FHIT: variants seen among roughly 807,000 people sequenced by gnomAD.
FHIT encodes fragile histidine triad diadenosine triphosphatase.
A neutral mutation model predicts 17.9 loss-of-function variants in FHIT; 19 were observed. The ratio of observed to expected loss-of-function variants is 1.06; its 90% confidence interval spans 0.74 to 1.56. The LOEUF is 1.56. Among genes scored for constraint, FHIT ranks in the 40% most tolerant of loss-of-function variants. FHIT has a pLI of 0.00. For synonymous variants in FHIT, 81 were observed against 69.7 expected (o/e 1.16, Z -0.81); for missense variants, 248 against 189.2 (o/e 1.31, Z -1.82).
intron 4 of FHIT, among the ~76,000 whole-genome samples, chr3:60,568,614 T>TA (rs144401946): frequency 0.06 from 9,044 of 151,104 alleles, 380 homozygotes; most frequent in South Asian, 0.17. Context: ...TAATAAAAAT[T>TA]AAAAAAAAAG....
intron 5 of FHIT, among the ~76,000 whole-genome samples, chr3:60,235,425 T>G (rs1576348706): frequency 6.6e-6 from 1 of 152,094 alleles, no homozygotes; most frequent in South Asian, 2.1e-4. Context: ...AGAGGCAGGG[T>G]TTCACCGTGA....
At chr3:60,254,807 A>G (rs1036525603) in intron 5 of FHIT, among the ~76,000 whole-genome samples, 1 of 152,184 alleles carries the variant, frequency 6.6e-6, no homozygotes, top group South Asian at 2.1e-4. Flanking sequence ...AGGAATCTAA[A>G]TTACAATTGT....
intron 4 of FHIT, among the ~76,000 whole-genome samples, chr3:60,684,555 A>C (rs144195975): frequency 6.6e-6 from 1 of 151,978 alleles, no homozygotes; most frequent in Admixed American, 6.6e-5. Flanking sequence ...CACACCTCAG[A>C]TTCCCTTAGT....
At chr3:60,699,823 A>C (rs1456279539) in intron 4 of FHIT, among the ~76,000 whole-genome samples, 3 of 142,778 alleles carry the variant, frequency 2.1e-5, no homozygotes, top group Non-Finnish European at 4.5e-5. Flanking sequence ...TTTTAAAAAC[A>C]ATACTCAGCA....
intron 4 of FHIT, among the ~76,000 whole-genome samples, chr3:60,691,381 T>C (rs2040987436): frequency 6.6e-6 from 1 of 151,992 alleles, no homozygotes; most frequent in African/African-American, 2.4e-5. Context: ...TTCTTCTTTT[T>C]TTTTTTCTTG....
chr3:61,181,326 C>G (rs1477770520), intron 2 of FHIT, among the ~76,000 whole-genome samples: 2 of 152,086 alleles, frequency 1.3e-5, no homozygotes, highest in Non-Finnish European at 2.9e-5. Context: ...GTGAAAACAT[C>G]AATATTTGTA....
intron 3 of FHIT, among the ~76,000 whole-genome samples, chr3:60,924,242 G>C (rs1707453697): frequency 6.6e-6 from 1 of 152,190 alleles, no homozygotes; most frequent in African/African-American, 2.4e-5. Context: ...TGAGATCTAA[G>C]AACGGACAAA....
At chr3:61,176,310 G>C (rs2038155075) in intron 2 of FHIT, among the ~76,000 whole-genome samples, 1 of 152,208 alleles carries the variant, frequency 6.6e-6, no homozygotes, top group African/African-American at 2.4e-5. Flanking sequence ...TTATTCTGAA[G>C]AGAGCATAAA....
intron 8 of FHIT, among the ~76,000 whole-genome samples, chr3:59,888,895 C>T (rs1304775551): frequency 6.6e-6 from 1 of 152,174 alleles, no homozygotes; most frequent in Non-Finnish European, 1.5e-5. Flanking sequence ...CCAGTGAGGG[C>T]CTTCTTGCTA....
At chr3:60,055,119 T>TAC (rs1702030249) in intron 5 of FHIT, among the ~76,000 whole-genome samples, 1 of 152,198 alleles carries the variant, frequency 6.6e-6, no homozygotes, top group African/African-American at 2.4e-5. Context: ...ATCTTTTTGC[T>TAC]ACACCTCATA....
At chr3:60,788,028 G>A (rs1700643518) in intron 4 of FHIT, among the ~76,000 whole-genome samples, 1 of 152,202 alleles carries the variant, frequency 6.6e-6, no homozygotes, top group African/African-American at 2.4e-5. Context: ...AAACAGCTCA[G>A]GCTGTGTCCC....
At chr3:59,984,772 G>C (rs1329342113) in intron 7 of FHIT, among the ~76,000 whole-genome samples, 1 of 152,018 alleles carries the variant, frequency 6.6e-6, no homozygotes, top group African/African-American at 2.4e-5. Flanking sequence ...CATACACTGA[G>C]GGACAAAACA....
intron 8 of FHIT, among the ~76,000 whole-genome samples, chr3:59,779,927 A>G (rs4679609): frequency 0.062 from 9,510 of 152,318 alleles, 429 homozygotes; most frequent in East Asian, 0.17. Context: ...CACAGGTAAC[A>G]TCCATCTCTT....
At chr3:60,998,897 T>C (rs981340725) in intron 3 of FHIT, among the ~76,000 whole-genome samples, 1 of 149,640 alleles carries the variant, frequency 6.7e-6, no homozygotes, top group African/African-American at 2.5e-5. Context: ...GAAGTCTAAA[T>C]GAACAAGCAG....
chr3:60,202,778 T>A (rs1289316228), intron 5 of FHIT, among the ~76,000 whole-genome samples: 1 of 152,160 alleles, frequency 6.6e-6, no homozygotes, highest in Non-Finnish European at 1.5e-5. Flanking sequence ...AAGGGGGTTT[T>A]ATGTATGCTC....
At chr3:60,202,300 C>T (rs766595531) in intron 5 of FHIT, among the ~76,000 whole-genome samples, 4 of 152,224 alleles carry the variant, frequency 2.6e-5, no homozygotes, top group Admixed American at 6.5e-5. Context: ...AGTCTGAAGT[C>T]AATGGATGCT....
intron 4 of FHIT, among the ~76,000 whole-genome samples, chr3:60,659,598 T>G (rs2040193811): frequency 6.6e-6 from 1 of 152,316 alleles, no homozygotes; most frequent in South Asian, 2.1e-4. Context: ...ACTTTTCAAC[T>G]GAAAAATTTC....
intron 3 of FHIT, among the ~76,000 whole-genome samples, chr3:61,031,042 G>A (rs2032986077): frequency 6.6e-6 from 1 of 152,156 alleles, no homozygotes. Flanking sequence ...AGGGGTCCTT[G>A]CAGTGTTTTG....
intron 5 of FHIT, among the ~76,000 whole-genome samples, chr3:60,110,079 A>T (rs1045519988): frequency 2.0e-5 from 3 of 152,276 alleles, no homozygotes; most frequent in Admixed American, 2.0e-4. Flanking sequence ...GCTATAAAGG[A>T]AACAGGAAAC....
Sources: gnomAD v4.1 joint callset for allele counts (sites outside exome capture counted in the v4.1 genomes callset) on GRCh38, gnomAD v4.1.1 for gene constraint, MANE v1.5 for transcripts, NCBI Gene and HGNC (gene_info 2026-07-23, HGNC 2026-07-21) for gene names.